Variants in UBE3C observed in about 807,000 individuals in gnomAD.
The protein encoded by UBE3C is ubiquitin-protein ligase E3C.
In UBE3C, 42 loss-of-function variants were observed where a neutral mutation model predicts 129.4. That is an observed-to-expected ratio of 0.32 (90% CI 0.25 to 0.42). The LOEUF (loss-of-function observed/expected upper bound fraction) is 0.42, where lower values mean the gene tolerates loss of function less well. Ranked by LOEUF, UBE3C falls within the 10% of genes least tolerant of loss-of-function variation. The pLI, the probability that UBE3C is intolerant of heterozygous loss-of-function variation, is 1.00. For missense variants in UBE3C, 1,049 were observed against 1,319.1 expected (o/e 0.80, Z 3.17); for synonymous variants, 510 against 492.4 (o/e 1.04, Z -0.47).
chr7:157,198,034 C>T, intron 10 of UBE3C: 1 of 1,605,762 alleles, frequency 6.2e-7, no homozygotes, highest in Non-Finnish European at 8.5e-7. Flanking sequence ...CCACCATGAA[C>T]AAGGCACTGA....
At chr7:157,168,971 T>C (rs1808293158) in intron 2 of UBE3C, 77 bp from the exon 3 acceptor site, 3 of 1,199,658 alleles carry the variant, frequency 2.5e-6, no homozygotes, top group Non-Finnish European at 3.7e-6. Context: ...TTAGTGTTTT[T>C]AAAGTCTTTA....
In UBE3C at chr7:157,219,693, G is replaced by A. The variant is rs60465114; in HGVS notation, c.1915-996G>A. Among the ~76,000 whole-genome samples, 689 of 152,278 alleles carry A rather than the reference G, an allele frequency of 4.5e-3. 5 individuals are homozygous for A. Among genetic ancestry groups the A allele is most frequent in the African/African-American group, 0.016 (654 of 41,544 alleles). On this transcript the variant is annotated intron_variant, in intron 14 of 22. Coordinates refer to ENST00000348165, the MANE Select transcript of UBE3C (RefSeq NM_014671.3). ...GAAGTATGTGGATCACCTGAGGTCA[G>A]TTCGAGACCACCCTGGCCAACATGG... is the stretch of plus-strand genomic sequence containing the variant.
Position 157,267,645 on chromosome 7 carries a change from G to A in UBE3C, c.3142G>A (p.Ala1048Thr). Residue 1048 changes from alanine to threonine, a missense_variant, in exon 23 of 23, where the codon GCC becomes ACC. By Grantham distance (58) the Ala-to-Thr change is moderately conservative. This residue lies in a region of UBE3C where 243 missense variants were observed against 368.7 expected (regional missense o/e 0.66). Transcript: ENST00000348165. ...CTCCGACCTTGAGCGGCTCCCCACA[G>A]CCAGCACCTGCATGAACCTGCTGAA... Reference protein sequence around the residue: ...GGSDLERLPTASTCMNLLKLP... With the variant: ...GGSDLERLPTTSTCMNLLKLP... The A allele has an allele frequency of 6.2e-7, 1 of 1,613,518 alleles. No individual in the cohort carries two copies.
chr7:157,241,537 G>T (rs1306767740), intron 18 of UBE3C, among the ~76,000 whole-genome samples: 1 of 152,226 alleles, frequency 6.6e-6, no homozygotes, highest in Non-Finnish European at 1.5e-5. Context: ...CCGCGAGTAC[G>T]GCGGGAATCA....
In UBE3C at chr7:157,207,403, T is replaced by C. The variant is rs775912864; in HGVS notation, c.1424T>C (p.Met475Thr). ...SMSTRMITGSMVPLLQVISRG... is the reference protein window; with the variant it reads ...SMSTRMITGSTVPLLQVISRG... The stretch of plus-strand genomic sequence containing the variant: ...CTTCTTTTCTTTAATTCAAGGTCTA[T>C]GGTACCGTTGCTTCAGGTGATATCC... Residue 475 changes from methionine to threonine, a missense_variant, in exon 12 of 23, where the codon ATG becomes ACG. Met to Thr is a moderately conservative substitution (Grantham distance 81). Transcript: ENST00000348165. The C allele has an allele frequency of 6.2e-7, 1 of 1,611,652 alleles. No individual in the cohort carries two copies. Among genetic ancestry groups the C allele is most frequent in the Non-Finnish European group, 8.5e-7 (1 of 1,179,584 alleles).
At chr7:157,246,218 G>A (rs1006546349) in intron 18 of UBE3C, among the ~76,000 whole-genome samples, 6 of 143,776 alleles carry the variant, frequency 4.2e-5, no homozygotes, top group African/African-American at 1.6e-4. Context: ...TTAAGGATGC[G>A]CATTTTATAG....
intron 18 of UBE3C, among the ~76,000 whole-genome samples, chr7:157,236,202 A>G (rs1796148463): frequency 6.6e-6 from 1 of 152,146 alleles, no homozygotes; most frequent in Admixed American, 6.6e-5. Flanking sequence ...GACAGGGAAT[A>G]AATAAACAGC....
intron 8 of UBE3C, among the ~76,000 whole-genome samples, chr7:157,182,935 G>A (rs2116926084): frequency 6.6e-6 from 1 of 152,200 alleles, no homozygotes; most frequent in East Asian, 1.9e-4. Context: ...TTTTAGTAGA[G>A]ACGGGGTTTC....
chr7:157,239,368 T>A (rs1462054833), intron 18 of UBE3C, among the ~76,000 whole-genome samples: 2 of 152,222 alleles, frequency 1.3e-5, no homozygotes, highest in Non-Finnish European at 2.9e-5. Flanking sequence ...AGATTTCATT[T>A]ATGGAAGTTC....
At chr7:157,167,209 G>T (rs979445878) in intron 2 of UBE3C, among the ~76,000 whole-genome samples, 2 of 152,178 alleles carry the variant, frequency 1.3e-5, no homozygotes, top group Admixed American at 1.3e-4. Context: ...GGGTTTACAG[G>T]CATGAGCCAC....
intron 14 of UBE3C, among the ~76,000 whole-genome samples, chr7:157,218,434 G>C (rs957289357): frequency 6.6e-6 from 1 of 151,680 alleles, no homozygotes; most frequent in African/African-American, 2.4e-5. Context: ...GGGCGACAGA[G>C]CAAGATTCCG....
intron 19 of UBE3C, among the ~76,000 whole-genome samples, chr7:157,252,219 A>C (rs1490658876): frequency 6.6e-6 from 1 of 152,184 alleles, no homozygotes; most frequent in East Asian, 1.9e-4. Context: ...TTAACTGATA[A>C]CTTCACTGGT....
chr7:157,247,010 C>T (rs1408692105), intron 18 of UBE3C, among the ~76,000 whole-genome samples: 2 of 152,188 alleles, frequency 1.3e-5, no homozygotes, highest in East Asian at 3.9e-4. Flanking sequence ...CCTGCCTCAG[C>T]CTCCCAAGTA....
At chr7:157,201,032 G>A (rs567615316) in intron 10 of UBE3C, among the ~76,000 whole-genome samples, 32 of 152,112 alleles carry the variant, frequency 2.1e-4, no homozygotes, top group African/African-American at 7.0e-4. Context: ...AATTTTAAAC[G>A]TGTTAAGTAG....
chr7:157,153,805 C>A (rs866636579), intron 1 of UBE3C, among the ~76,000 whole-genome samples: 2 of 147,538 alleles, frequency 1.4e-5, no homozygotes, highest in Admixed American at 1.4e-4. Context: ...GGCGAGATCC[C>A]GTCTATACTA....
At chr7:157,215,089 C>T (rs893702164) in intron 13 of UBE3C, among the ~76,000 whole-genome samples, 8 of 152,186 alleles carry the variant, frequency 5.3e-5, no homozygotes, top group South Asian at 2.1e-4. Flanking sequence ...ACAAGAGAAT[C>T]GCCACTTCTA....
intron 1 of UBE3C, among the ~76,000 whole-genome samples, chr7:157,150,768 A>G (rs987120164): frequency 6.6e-6 from 1 of 152,264 alleles, no homozygotes; most frequent in Non-Finnish European, 1.5e-5. Flanking sequence ...AACAGTAAAG[A>G]TAGCTAGTTT....
chr7:157,227,082 A>C (rs911350008), intron 17 of UBE3C, among the ~76,000 whole-genome samples: 11 of 152,242 alleles, frequency 7.2e-5, no homozygotes, highest in East Asian at 1.9e-4. Flanking sequence ...GGAATTGTTT[A>C]TTTGGTGTAC....
chr7:157,191,888 T>C (rs1281785967), intron 10 of UBE3C, among the ~76,000 whole-genome samples: 1 of 152,236 alleles, frequency 6.6e-6, no homozygotes, highest in Non-Finnish European at 1.5e-5. Flanking sequence ...GTAAATTTTG[T>C]CTATAATTTC....
Sources: gnomAD v4.1 joint callset for allele counts (sites outside exome capture counted in the v4.1 genomes callset) on GRCh38, gnomAD v4.1.1 for gene constraint, gnomAD v4.1.1 regional missense constraint, MANE v1.5 for transcripts, NCBI Gene and HGNC (gene_info 2026-07-23, HGNC 2026-07-21) for gene names.